Variants in MYPN observed in about 807,000 individuals in gnomAD.
MYPN encodes the protein sarcomeric protein myopalladin, 145 kDa (MYOP).
Under a neutral mutation model 129.4 loss-of-function variants are expected in MYPN, and 63 were observed. The ratio of observed to expected loss-of-function variants is 0.49; its 90% confidence interval spans 0.40 to 0.60. The LOEUF is 0.60. MYPN is among the 20% of genes least tolerant of loss of function. The probability of loss-of-function intolerance (pLI) is 0.00; values close to 1 mark genes in which losing one functional copy is unlikely to be tolerated. For missense variants in MYPN, 1,596 were observed against 1,635.4 expected, an observed-to-expected ratio of 0.98 and a Z score of 0.42; for synonymous variants, 629 against 600.9, an observed-to-expected ratio of 1.05 and a Z score of -0.68.
intron 1 of MYPN, among the ~76,000 whole-genome samples, chr10:68,116,742 A>G (rs2042163000): frequency 6.6e-6 from 1 of 152,172 alleles, no homozygotes; most frequent in Admixed American, 6.5e-5. Flanking sequence ...ATCTCAAAAA[A>G]AAAGAAAGAA....
chr10:68,188,777 C>G, intron 12 of MYPN, 128 bp from the exon 13 acceptor site: 1 of 792,590 alleles, frequency 1.3e-6, no homozygotes, highest in Non-Finnish European at 2.1e-6. Flanking sequence ...CTGGAACATA[C>G]CTGGTTCATT....
chr10:68,191,728 T>C (rs1012746304), intron 13 of MYPN, among the ~76,000 whole-genome samples: 1 of 152,248 alleles, frequency 6.6e-6, no homozygotes, highest in East Asian at 1.9e-4. Flanking sequence ...ACTTCTTTGG[T>C]TAAATTTATT....
chr10:68,093,574 TAAA>T (rs34247732), intron 1 of MYPN, among the ~76,000 whole-genome samples: 2 of 106,808 alleles, frequency 1.9e-5, no homozygotes, highest in African/African-American at 6.8e-5. Context: ...CCATCTCTAC[TAAA>T]AAAAAAAAAA....
rs1203840669 is a variant in MYPN, at chr10:68,174,524, G to A, written c.2432G>A (p.Cys811Tyr). The A allele has an allele frequency of 1.2e-6, 2 of 1,613,930 alleles. No homozygotes were observed. Among genetic ancestry groups the A allele is most frequent in the Non-Finnish European group, 1.7e-6 (2 of 1,179,954 alleles). The change falls in exon 11 of 20, where the codon TGT becomes TAT. Residue 811 changes from cysteine (C) to tyrosine (Y), a missense_variant. Cys to Tyr is a radical substitution (Grantham distance 194). Coordinates refer to ENST00000358913, the MANE Select transcript of MYPN (RefSeq NM_032578.4). ...AGCGGAAACCAGTTTCAGCCCCGCT[G>A]TGTGTCCCCAATTCCTGTCTCTCCT... is the stretch of plus-strand genomic sequence containing the variant. Reference protein sequence around the residue: ...IPSGNQFQPRCVSPIPVSPTS... With the variant: ...IPSGNQFQPRYVSPIPVSPTS...
At position 68,161,715 on chromosome 10, in the gene MYPN, T is replaced by A. The variant is rs201156035; in HGVS notation, c.1460-14T>A. The A allele has an allele frequency of 7.8e-4, 1,253 of 1,609,224 alleles. 4 individuals carry two copies. In the Middle Eastern group the frequency reaches 0.012, roughly 16 times the overall value. ...AAATAAATGCTCAGAATCTTTTACT[T>A]TCTTTTCTTTTAGAACCTCGATCCA... On this transcript the variant is annotated splice_polypyrimidine_tract_variant and intron_variant, in intron 7 of 19. Transcript: ENST00000358913.
chr10:68,195,594 G>A, intron 15 of MYPN, 62 bp downstream of exon 15: 1 of 1,313,890 alleles, frequency 7.6e-7, no homozygotes, highest in Non-Finnish European at 1.1e-6. Context: ...ACTATCGTGA[G>A]CACCAAAGTA....
intron 12 of MYPN, among the ~76,000 whole-genome samples, chr10:68,177,547 A>G (rs2043246530): frequency 6.6e-6 from 1 of 152,198 alleles, no homozygotes; most frequent in Non-Finnish European, 1.5e-5. Flanking sequence ...ATATTATAAT[A>G]TTGTTTTATC....
intron 18 of MYPN, among the ~76,000 whole-genome samples, chr10:68,204,327 A>C (rs1004082994): frequency 1.3e-5 from 2 of 152,176 alleles, no homozygotes; most frequent in Admixed American, 1.3e-4. Flanking sequence ...CTATTGCCTC[A>C]CCTCACTAAA....
At chr10:68,208,115 TG>T (rs2043846883) in intron 19 of MYPN, among the ~76,000 whole-genome samples, 1 of 152,258 alleles carries the variant, frequency 6.6e-6, no homozygotes, top group African/African-American at 2.4e-5. Flanking sequence ...TGACATTAAC[TG>T]GTATTTTTAG....
intron 18 of MYPN, among the ~76,000 whole-genome samples, chr10:68,203,721 A>AGAGAGAGAGAGAGAGG: frequency 1.5e-5 from 1 of 68,742 alleles, no homozygotes; most frequent in Non-Finnish European, 3.0e-5. Flanking sequence ...ATACACACAC[A>AGAGAGAGAGAGAGAGG]GAGAGAGAGA....
At chr10:68,184,390 A>C (rs10997995) in intron 12 of MYPN, among the ~76,000 whole-genome samples, 1,991 of 152,310 alleles carry the variant, frequency 0.013, 50 homozygotes, top group African/African-American at 0.046. Context: ...CAGAGTAAAC[A>C]CGAGGAGTCC....
chr10:68,209,427 G>A, intron 19 of MYPN, among the ~76,000 whole-genome samples: 1 of 152,172 alleles, frequency 6.6e-6, no homozygotes. Context: ...TAGGGAGGTG[G>A]GTAGGTAGGT....
rs190424655 is a variant in MYPN at position 68,140,943 on chromosome 10, G to A, written c.903-1997G>A. ...AAAAATTAGCCAGGTGTGGCAGCAC[G>A]TGCCTGTGGCCCCAGCTACTTGGGA... On this transcript the variant is annotated intron_variant, in intron 2 of 19. Transcript: ENST00000358913. Among the ~76,000 whole-genome samples the A allele has an allele frequency of 2.1e-3, 326 of 152,246 alleles. 2 individuals carry two copies. The highest frequency in any genetic ancestry group is 2.7e-3 in the Non-Finnish European group (181 of 68,012).
chr10:68,191,212 ATTTCTTTTTTTTT>A (rs1054136788), intron 13 of MYPN, among the ~76,000 whole-genome samples: 8 of 66,454 alleles, frequency 1.2e-4, no homozygotes, highest in African/African-American at 4.4e-4. Flanking sequence ...TGTTTTTTCT[ATTTCTTTTTTTTT>A]TTTCTTTTTT....
chr10:68,147,175 GA>G (rs2042680670), intron 4 of MYPN, among the ~76,000 whole-genome samples: 1 of 152,074 alleles, frequency 6.6e-6, no homozygotes, highest in Non-Finnish European at 1.5e-5. Context: ...TTTATTTTGA[GA>G]CAGAGTGTTG....
chr10:68,156,367 C>T (rs1231106540), intron 6 of MYPN, among the ~76,000 whole-genome samples: 1 of 152,130 alleles, frequency 6.6e-6, no homozygotes, highest in Non-Finnish European at 1.5e-5. Context: ...GCCGGGAGCA[C>T]CCAAAATTCA....
At chr10:68,196,742 C>T (rs1302665335) in intron 15 of MYPN, among the ~76,000 whole-genome samples, 1 of 152,082 alleles carries the variant, frequency 6.6e-6, no homozygotes, top group Non-Finnish European at 1.5e-5. Context: ...GCTTCAGCCT[C>T]CCAAAGTGCT....
Position 68,198,434 on chromosome 10 carries a change from C to T in MYPN, c.3286-934C>T, listed in dbSNP as rs57143498. ...TCTCAGAATGAAGAGAAGCTTATGT[C>T]ACCCTTTCTGCCCATAGATGCAGAA... On this transcript the variant is annotated intron_variant, in intron 16 of 19. Coordinates refer to ENST00000358913, the MANE Select transcript of MYPN (RefSeq NM_032578.4). 3.9e-3 allele frequency among the ~76,000 whole-genome samples: 598 copies of T among 152,234 alleles called. 3 individuals carry two copies. The highest frequency in any genetic ancestry group is 0.014 in the African/African-American group (571 of 41,538).
At chr10:68,116,766 G>A (rs2042163436) in intron 1 of MYPN, among the ~76,000 whole-genome samples, 1 of 151,986 alleles carries the variant, frequency 6.6e-6, no homozygotes, top group Non-Finnish European at 1.5e-5. Context: ...AAAGAAAAAA[G>A]AAAACAAAGC....
Sources: gnomAD v4.1 joint callset for allele counts (sites outside exome capture counted in the v4.1 genomes callset) on GRCh38, gnomAD v4.1.1 for gene constraint, MANE v1.5 for transcripts, NCBI Gene and HGNC (gene_info 2026-07-23, HGNC 2026-07-21) for gene names.